Variants in AK7 observed in about 807,000 individuals in gnomAD.
The protein encoded by AK7 is adenylate kinase 7.
Under a neutral mutation model 96.6 loss-of-function variants are expected in AK7, and 78 were observed. The observed-to-expected ratio is 0.81, with a 90% CI of 0.67 to 0.97. The LOEUF (loss-of-function observed/expected upper bound fraction) is 0.97, where lower values mean the gene tolerates loss of function less well. Ranked by LOEUF, AK7 falls within the 50% of genes least tolerant of loss-of-function variation. AK7 has a pLI of 0.00. For synonymous variants in AK7, 302 were observed against 317.2 expected (o/e 0.95, Z 0.51); for missense variants, 855 against 887.9 (o/e 0.96, Z 0.47).
At chr14:96,424,213 G>T in intron 5 of AK7, 1 of 504,892 alleles carries the variant, frequency 2.0e-6, no homozygotes, top group Non-Finnish European at 3.6e-6. Flanking sequence ...AGGTTCACCC[G>T]CGTGGCGGGG....
At chr14:96,456,765 G>A in intron 11 of AK7, 1 of 270,444 alleles carries the variant, frequency 3.7e-6, no homozygotes, top group Non-Finnish European at 7.2e-6. Flanking sequence ...ACACAAGTGT[G>A]TGTTTGTGTC....
chr14:96,426,984 G>A (rs949642007), intron 5 of AK7, among the ~76,000 whole-genome samples: 2 of 152,142 alleles, frequency 1.3e-5, no homozygotes, highest in East Asian at 1.9e-4. Flanking sequence ...GGTGGCTCAC[G>A]CCTGTAATCC....
At chr14:96,473,215 G>T (rs1894995697) in intron 14 of AK7, among the ~76,000 whole-genome samples, 3 of 147,312 alleles carry the variant, frequency 2.0e-5, no homozygotes, top group African/African-American at 7.5e-5. Context: ...CTGTTGCCCA[G>T]GCTGGAGTGC....
intron 2 of AK7, among the ~76,000 whole-genome samples, chr14:96,402,612 T>C (rs1235611972): frequency 6.6e-6 from 1 of 152,192 alleles, no homozygotes; most frequent in Non-Finnish European, 1.5e-5. Flanking sequence ...GTAGTTTCCT[T>C]TCCCACTGTC....
chr14:96,479,517 C>G (rs989069935), intron 15 of AK7, among the ~76,000 whole-genome samples: 5 of 152,048 alleles, frequency 3.3e-5, no homozygotes, highest in African/African-American at 1.2e-4. Flanking sequence ...CCTTTCCCAG[C>G]CTTCTGACTG....
rs1894697034 is a variant in AK7, at chr14:96,468,320, GAGA to G, written c.1358-3155_1358-3153del. On this transcript the variant is annotated intron_variant, in intron 12 of 17. Transcript: ENST00000267584. ...CCTTTTTTTTTTTTTTTTTTTTTTT[GAGA>G]AGGAGTTTCACTCTGTTGCCCAGGC... Among the ~76,000 whole-genome samples the G allele has an allele frequency of 9.1e-4, 25 of 27,330 alleles. No homozygotes were observed. In the South Asian group the frequency reaches 0.025, roughly 27 times the overall value. The allele number at this position is 27,330 out of a possible 152,430, so 17.9% of individuals were successfully genotyped here.
intron 16 of AK7, among the ~76,000 whole-genome samples, chr14:96,484,978 T>C (rs1895693671): frequency 6.6e-6 from 1 of 152,176 alleles, no homozygotes; most frequent in Non-Finnish European, 1.5e-5. Flanking sequence ...GCACACATCT[T>C]TGGGTGCCTG....
chr14:96,469,159 T>C (rs1212102037), intron 12 of AK7, among the ~76,000 whole-genome samples: 3 of 152,172 alleles, frequency 2.0e-5, no homozygotes, highest in African/African-American at 4.8e-5. Context: ...AGGGAGGCAT[T>C]GAAGGGAATT....
chr14:96,478,692 T>C (rs761645646), intron 15 of AK7, 30 bp downstream of exon 15: 9 of 1,605,146 alleles, frequency 5.6e-6, no homozygotes, highest in African/African-American at 4.0e-5. Flanking sequence ...ATAATGTGAA[T>C]GTCCAGGACC....
chr14:96,476,774 G>A (rs1382864130), intron 14 of AK7, among the ~76,000 whole-genome samples: 1 of 152,082 alleles, frequency 6.6e-6, no homozygotes, highest in African/African-American at 2.4e-5. Context: ...TTGAAAATTG[G>A]AAAGCCAAGG....
intron 5 of AK7, among the ~76,000 whole-genome samples, chr14:96,433,699 C>T (rs1246429021): frequency 6.6e-6 from 1 of 152,188 alleles, no homozygotes; most frequent in African/African-American, 2.4e-5. Flanking sequence ...ATTCTCCGTC[C>T]AGCTTTGTTC....
chr14:96,475,477 G>T (rs998683851), intron 14 of AK7, among the ~76,000 whole-genome samples: 3 of 152,186 alleles, frequency 2.0e-5, no homozygotes, highest in Non-Finnish European at 4.4e-5. Flanking sequence ...TTGAGTTTAC[G>T]GGTGGTCTCT....
rs763359474 is a variant in AK7, at chr14:96,421,648, C to T, written c.609+716C>T. 29 of 151,774 alleles carry T rather than the reference C, an allele frequency of 1.9e-4. 1 individual carries two copies. The highest frequency in any genetic ancestry group is 6.8e-4 in the African/African-American group (28 of 41,252). The allele number at this position is 151,774 out of a possible 1,614,324, so 9.4% of individuals were successfully genotyped here. ...TGAGATGGAGTCTCGCTCTGTCACC[C>T]AGGCTGGAGTGCAGTGGTGCGATCT... On this transcript the variant is annotated intron_variant, in intron 5 of 17. Coordinates refer to ENST00000267584, the MANE Select transcript of AK7 (RefSeq NM_152327.5).
Position 96,420,927 on chromosome 14 carries a change from A to T in AK7, c.604A>T (p.Lys202Ter). The change falls in exon 5 of 18, where the codon AAA (lysine) becomes TAA (stop). Residue 202 changes from lysine to a stop codon, truncating the protein, a stop_gained. Coordinates refer to ENST00000267584, the MANE Select transcript of AK7 (RefSeq NM_152327.5). LOFTEE classifies it high-confidence loss of function. ...TGAAAAAATGGTTCTCAAATTTGGAAAAAAGGTAAGTCTGGCATAGTGGAA... is the reference window on the plus strand; with the variant it reads ...TGAAAAAATGGTTCTCAAATTTGGATAAAAGGTAAGTCTGGCATAGTGGAA... Reference protein sequence around the residue: ...NAEKMVLKFGKKARKFAAYVV... With the variant: ...NAEKMVLKFG The T allele has an allele frequency of 6.3e-7, 1 of 1,598,818 alleles. No homozygotes were observed. Among genetic ancestry groups the T allele is most frequent in the Non-Finnish European group, 8.6e-7 (1 of 1,166,414 alleles).
intron 12 of AK7, 38 bp downstream of exon 12, chr14:96,458,250 G>C: frequency 6.3e-7 from 1 of 1,587,760 alleles, no homozygotes; most frequent in Non-Finnish European, 8.6e-7. Flanking sequence ...CTGCTCTTGT[G>C]AACAGTGGCT....
chr14:96,475,477 G>A (rs998683851), intron 14 of AK7, among the ~76,000 whole-genome samples: 4 of 152,186 alleles, frequency 2.6e-5, no homozygotes. Flanking sequence ...TTGAGTTTAC[G>A]GGTGGTCTCT....
At chr14:96,453,573 A>G (rs991795622) in intron 10 of AK7, among the ~76,000 whole-genome samples, 1 of 152,178 alleles carries the variant, frequency 6.6e-6, no homozygotes, top group Non-Finnish European at 1.5e-5. Context: ...AGACAGATGC[A>G]TCAAGCCACC....
At chr14:96,453,967 G>A (rs978683053) in intron 10 of AK7, among the ~76,000 whole-genome samples, 1 of 152,064 alleles carries the variant, frequency 6.6e-6, no homozygotes, top group African/African-American at 2.4e-5. Context: ...CTTCACACCT[G>A]CCTCCTTCCA....
At chr14:96,456,788 G>A in intron 11 of AK7, 1 of 242,896 alleles carries the variant, frequency 4.1e-6, no homozygotes, top group South Asian at 5.7e-5. Flanking sequence ...CTTCTTCGTG[G>A]CCAACTCAGG....
Sources: gnomAD v4.1 joint callset for allele counts (sites outside exome capture counted in the v4.1 genomes callset) on GRCh38, gnomAD v4.1.1 for gene constraint, MANE v1.5 for transcripts, NCBI Gene and HGNC (gene_info 2026-07-23, HGNC 2026-07-21) for gene names.